Variants in PTCH2 observed in about 807,000 individuals in gnomAD.
PTCH2 encodes protein patched homolog 2.
PTCH2 carries 96 observed loss-of-function variants against 117.9 expected under a neutral mutation model. The observed-to-expected ratio is 0.81, with a 90% CI of 0.69 to 0.96. PTCH2 has a LOEUF of 0.96. PTCH2 is among the 50% of genes least tolerant of loss of function. The probability of loss-of-function intolerance (pLI) is 0.00; values close to 1 mark genes in which losing one functional copy is unlikely to be tolerated. For synonymous variants in PTCH2, 615 were observed against 660.9 expected, an observed-to-expected ratio of 0.93 and a Z score of 1.06; for missense variants, 1,379 against 1,562.5, an observed-to-expected ratio of 0.88 and a Z score of 1.98.
rs755211590 is a variant in PTCH2, at chr1:44,822,470, G to A, written c.3557C>T (p.Ala1186Val). Reference sequence around the variant, plus strand: ...ACTGAGGTTGCCAGAGCTAGTGGCAGCAGGGGACCAAGGGGGCTCATCAGG... The same window carrying A: ...ACTGAGGTTGCCAGAGCTAGTGGCAACAGGGGACCAAGGGGGCTCATCAGG... ...PAPDEPPWSPAATSSGNLSSR... is the reference protein window; with the variant it reads ...PAPDEPPWSPVATSSGNLSSR... Residue 1186 changes from alanine to valine, a missense_variant, in exon 22 of 22, where the codon GCT becomes GTT. Transcript: ENST00000372192. 1.2e-6 allele frequency: 2 copies of A among 1,613,982 alleles called. No individual in the cohort carries two copies. The highest frequency in any genetic ancestry group is 1.7e-6 in the Non-Finnish European group (2 of 1,179,990).
intron 2 of PTCH2, 44 bp from the exon 3 acceptor site, chr1:44,832,385 C>T (rs773221855): frequency 2.1e-5 from 33 of 1,607,560 alleles, no homozygotes; most frequent in African/African-American, 5.3e-5. Context: ...AGGGCCTAGG[C>T]GGGTCAGAAC....
chr1:44,821,904 T>C, downstream of PTCH2: 1 of 1,364,698 alleles, frequency 7.3e-7, no homozygotes, highest in South Asian at 1.1e-5. Flanking sequence ...AACTCCCCAC[T>C]CTGTCCAAAA....
chr1:44,842,840 T>A lies in PTCH2; in HGVS notation c.72+21A>T. 5.2e-6 allele frequency: 8 copies of A among 1,545,076 alleles called. No homozygotes were observed. The South Asian group carries it at 9.5e-5, about 18-fold the overall frequency. On this transcript the variant is annotated intron_variant, in intron 1 of 21. Transcript: ENST00000372192. Reference sequence around the variant, plus strand: ...GACCTGGCTCCGCTCTCTTCCTTCTTCCAGCTCCCCCTCTACTCACCTGGG... The same window carrying A: ...GACCTGGCTCCGCTCTCTTCCTTCTACCAGCTCCCCCTCTACTCACCTGGG...
Position 44,828,621 on chromosome 1 carries a change from C to T in PTCH2, c.1475G>A (p.Gly492Asp). The T allele has an allele frequency of 6.2e-7, 1 of 1,612,586 alleles. No homozygotes were observed. Among genetic ancestry groups the T allele is most frequent in the Non-Finnish European group, 8.5e-7 (1 of 1,179,468 alleles). The change falls in exon 12 of 22, where the codon GGC becomes GAC. Residue 492 changes from glycine to aspartate, a missense_variant. By Grantham distance (94) the Gly-to-Asp change is moderately conservative. Transcript: ENST00000372192. ...GGTGCCCGTGCGCTGCAGACACTCG[C>T]CCATGCGCTCCTGCCAGGACAGAGT... ...LPGTPLQERM[G>D]ECLQRTGTSV...
At chr1:44,837,875 G>A (rs1046741469) in intron 2 of PTCH2, among the ~76,000 whole-genome samples, 13 of 151,300 alleles carry the variant, frequency 8.6e-5, no homozygotes, top group African/African-American at 2.4e-4. Flanking sequence ...TCAGGAGATC[G>A]ACACCATCCT....
Position 44,843,108 on chromosome 1 carries a change from TGCA to T in PTCH2, c.-179_-177del. On this transcript the variant is annotated 5_prime_UTR_variant, in exon 1 of 22. Coordinates refer to ENST00000372192, the MANE Select transcript of PTCH2 (RefSeq NM_003738.5). Reference sequence around the variant, plus strand: ...TGTTAAAGCGGCTGGGAGGGAGGAGTGCAGGGAGCTGCGGGTCCGGGGCGCGGC... The same window carrying T: ...TGTTAAAGCGGCTGGGAGGGAGGAGTGGGAGCTGCGGGTCCGGGGCGCGGC... 2 of 1,350,062 alleles carry T rather than the reference TGCA, an allele frequency of 1.5e-6. No individual in the cohort carries two copies. 83.6% of individuals were successfully genotyped at this position (1,350,062 alleles called of 1,614,324 possible).
At chr1:44,820,007 T>G (rs776112446), downstream of PTCH2, 2 of 158,088 alleles carry the variant, frequency 1.3e-5, no homozygotes, top group Non-Finnish European at 2.8e-5. Context: ...TATTCGTGAC[T>G]TCCGCTTCGA....
At position 44,834,511 on chromosome 1, in the gene PTCH2, C is replaced by T. The variant is rs541150368; in HGVS notation, c.266-2170G>A. Among the ~76,000 whole-genome samples the T allele has an allele frequency of 7.2e-5, 11 of 152,168 alleles. 1 individual carries two copies. The South Asian group carries it at 2.1e-3, about 29-fold the overall frequency. On this transcript the variant is annotated intron_variant, in intron 2 of 21. Transcript: ENST00000372192. ...TCACCAAGATTAGGCCGAAGGCTGC[C>T]GCATGGAAGGGAAGAAGAGGACAGA...
chr1:44,833,100 C>T (rs992571005), intron 2 of PTCH2, among the ~76,000 whole-genome samples: 1 of 152,120 alleles, frequency 6.6e-6, no homozygotes, highest in Non-Finnish European at 1.5e-5. Flanking sequence ...CTGTCCAGAC[C>T]ACAGGGATTC....
At chr1:44,842,233 G>A (rs1653979343) in intron 1 of PTCH2, among the ~76,000 whole-genome samples, 194 bp from the exon 2 acceptor site, 1 of 151,508 alleles carries the variant, frequency 6.6e-6, no homozygotes, top group Non-Finnish European at 1.5e-5. Context: ...CCTGAGGAAG[G>A]CATAGGCCTA....
rs11211040 is a variant in PTCH2 at position 44,826,236 on chromosome 1, G to A, written c.3114+14C>T. ...ATCAGCTGATTGGTCCCTCCCCGGGGTGCCCGTGCTCACCAGAGCCACGTG... is the reference window on the plus strand; with the variant it reads ...ATCAGCTGATTGGTCCCTCCCCGGGATGCCCGTGCTCACCAGAGCCACGTG... On this transcript the variant is annotated intron_variant, in intron 19 of 21. Coordinates refer to ENST00000372192, the MANE Select transcript of PTCH2 (RefSeq NM_003738.5). This position sits in a 1 kb window ranked among gnomAD's most constrained non-coding sequence, Gnocchi z 5.1. The A allele has an allele frequency of 0.18, 290,625 of 1,612,736 alleles. 26,617 individuals carry two copies. The highest frequency in any genetic ancestry group is 0.26 in the East Asian group (11,548 of 44,846).
intron 2 of PTCH2, among the ~76,000 whole-genome samples, chr1:44,839,155 A>G (rs1653819592): frequency 6.6e-6 from 1 of 152,144 alleles, no homozygotes; most frequent in African/African-American, 2.4e-5. Flanking sequence ...CGGGCGGATC[A>G]CAAGGTCAGG....
intron 2 of PTCH2, among the ~76,000 whole-genome samples, chr1:44,840,485 C>T (rs1358081721): frequency 7.4e-5 from 11 of 148,710 alleles, no homozygotes; most frequent in African/African-American, 1.7e-4. Context: ...CTGAGGTGAG[C>T]GGATTACTTG....
chr1:44,821,702 T>C, downstream of PTCH2: 3 of 1,140,580 alleles, frequency 2.6e-6, no homozygotes, highest in Non-Finnish European at 3.4e-6. Flanking sequence ...GGTCTCCAGA[T>C]TGAACCCAGT....
chr1:44,836,213 T>C (rs1030562799), intron 2 of PTCH2, among the ~76,000 whole-genome samples: 2 of 152,218 alleles, frequency 1.3e-5, no homozygotes, highest in African/African-American at 4.8e-5. Context: ...TCCATTGCCT[T>C]TGCCAAGTGA....
intron 19 of PTCH2, among the ~76,000 whole-genome samples, chr1:44,825,225 C>T (rs751744277): frequency 2.1e-4 from 32 of 152,040 alleles, no homozygotes; most frequent in Non-Finnish European, 4.4e-4. Context: ...CAACCTCCAC[C>T]CTCCCGGGTT....
chr1:44,841,723 TG>T, intron 2 of PTCH2, 123 bp downstream of exon 2: 1 of 1,015,938 alleles, frequency 9.8e-7, no homozygotes, highest in Non-Finnish European at 1.5e-6. Context: ...TGTAGGACTC[TG>T]GCCAGCAGGT....
chr1:44,830,603 A>AAAAAAAAAAAAAAAAAAAAAAAAC lies in PTCH2; in HGVS notation c.813+244_813+245insGTTTTTTTTTTTTTTTTTTTTTTT, dbSNP rs1653395512. Among the ~76,000 whole-genome samples, 2 of 150,680 alleles carry AAAAAAAAAAAAAAAAAAAAAAAAC rather than the reference A, an allele frequency of 1.3e-5. 1 individual carries two copies. The highest frequency in any genetic ancestry group is 2.9e-5 in the Non-Finnish European group (2 of 67,812). ...AGTGAGACTCAAAAAAAAAAAAAAAAAGAAGTCCAGCCTTATCTAGGCTTA... is the reference window on the plus strand; with the variant it reads ...AGTGAGACTCAAAAAAAAAAAAAAAAAAAAAAAAAAAAAAAAAAAAAAACAGAAGTCCAGCCTTATCTAGGCTTA... On this transcript the variant is annotated intron_variant, in intron 6 of 21. Coordinates refer to ENST00000372192, the MANE Select transcript of PTCH2 (RefSeq NM_003738.5).
intron 2 of PTCH2, among the ~76,000 whole-genome samples, chr1:44,833,737 C>T (rs1423877938): frequency 6.6e-6 from 1 of 152,008 alleles, no homozygotes; most frequent in Non-Finnish European, 1.5e-5. Context: ...GCTGGGATTA[C>T]AAGCACCTGC....
Sources: gnomAD v4.1 joint callset for allele counts (sites outside exome capture counted in the v4.1 genomes callset) on GRCh38, gnomAD v4.1.1 for gene constraint, Gnocchi (gnomAD v3.1) non-coding constraint, MANE v1.5 for transcripts, NCBI Gene and HGNC (gene_info 2026-07-23, HGNC 2026-07-21) for gene names.